Variants in ZNF354B observed in about 807,000 individuals in gnomAD.
The protein encoded by ZNF354B is zinc finger protein 354B.
In ZNF354B, 10 loss-of-function variants were observed where a neutral mutation model predicts 12.9. The observed-to-expected ratio is 0.77, with a 90% CI of 0.48 to 1.31. The LOEUF is 1.31. Among genes scored for constraint, ZNF354B ranks in the 40% most tolerant of loss-of-function variants. ZNF354B has a pLI of 0.00. For synonymous variants in ZNF354B, 260 were observed against 243.7 expected, an observed-to-expected ratio of 1.07 and a Z score of -0.62; for missense variants, 614 against 711.7, an observed-to-expected ratio of 0.86 and a Z score of 1.56.
At chr5:178,879,882 C>T (rs759650533) in intron 4 of ZNF354B, among the ~76,000 whole-genome samples, 1 of 151,850 alleles carries the variant, frequency 6.6e-6, no homozygotes, top group Non-Finnish European at 1.5e-5. Context: ...AATCCCAGCA[C>T]TTTGAGAGGC....
At chr5:178,871,285 A>T (rs537461397) in intron 4 of ZNF354B, among the ~76,000 whole-genome samples, 1 of 152,142 alleles carries the variant, frequency 6.6e-6, no homozygotes, top group East Asian at 1.9e-4. Context: ...GCTGTTTGTC[A>T]GGGGGGCCAA....
chr5:178,860,602 G>A, intron 1 of ZNF354B: 1 of 180,160 alleles, frequency 5.6e-6, no homozygotes, highest in Non-Finnish European at 1.2e-5. Context: ...AAGTCGTCCC[G>A]GGGCCGTCGT....
intron 4 of ZNF354B, among the ~76,000 whole-genome samples, chr5:178,874,232 C>T (rs1379727641): frequency 6.6e-6 from 1 of 152,176 alleles, no homozygotes; most frequent in African/African-American, 2.4e-5. Context: ...GCTGGGATTA[C>T]AGGCATGAGC....
At chr5:178,866,822 A>G (rs1252431220) in intron 3 of ZNF354B, among the ~76,000 whole-genome samples, 154 bp from the exon 4 acceptor site, 1 of 152,212 alleles carries the variant, frequency 6.6e-6, no homozygotes, top group South Asian at 2.1e-4. Flanking sequence ...TACTTGATAG[A>G]TCATTCTATA....
chr5:178,860,207 C>T (rs1187609975), intron 1 of ZNF354B, 80 bp downstream of exon 1: 2 of 142,430 alleles, frequency 1.4e-5, no homozygotes, highest in African/African-American at 5.1e-5. Context: ...CTCCGAGGGC[C>T]TCTGTGGGCG....
chr5:178,875,509 A>T (rs749603435), intron 4 of ZNF354B, among the ~76,000 whole-genome samples: 1 of 152,048 alleles, frequency 6.6e-6, no homozygotes, highest in Non-Finnish European at 1.5e-5. Context: ...GGTACAGCTG[A>T]AGTACTCAGG....
At chr5:178,880,405 G>A (rs1430061570) in intron 4 of ZNF354B, among the ~76,000 whole-genome samples, 1 of 151,160 alleles carries the variant, frequency 6.6e-6, no homozygotes, top group Admixed American at 6.6e-5. Context: ...TCACTGTGTT[G>A]GCCAGGATGG....
At chr5:178,882,621 A>G in intron 4 of ZNF354B, 88 bp from the exon 5 acceptor site, 1 of 1,352,762 alleles carries the variant, frequency 7.4e-7, no homozygotes, top group Non-Finnish European at 9.9e-7. Flanking sequence ...GCAAACCCTT[A>G]CTGAGATACA....
At chr5:178,870,388 T>C (rs1190265120) in intron 4 of ZNF354B, among the ~76,000 whole-genome samples, 1 of 152,182 alleles carries the variant, frequency 6.6e-6, no homozygotes, top group Non-Finnish European at 1.5e-5. Context: ...GCGATTCTTG[T>C]GCTTCAGCCT....
intron 4 of ZNF354B, among the ~76,000 whole-genome samples, chr5:178,875,401 A>C (rs111498566): frequency 0.039 from 5,930 of 152,196 alleles, 406 homozygotes; most frequent in African/African-American, 0.14. Flanking sequence ...ATGGGGAAGG[A>C]GGCCCTGCCT....
chr5:178,877,714 G>T (rs1188175414), intron 4 of ZNF354B, among the ~76,000 whole-genome samples: 1 of 152,174 alleles, frequency 6.6e-6, no homozygotes, highest in African/African-American at 2.4e-5. Context: ...GCCACGCTAG[G>T]GATGCTAGTA....
At chr5:178,870,774 G>T (rs1340558293) in intron 4 of ZNF354B, among the ~76,000 whole-genome samples, 1 of 152,154 alleles carries the variant, frequency 6.6e-6, no homozygotes, top group African/African-American at 2.4e-5. Context: ...TTTAAAAAGT[G>T]ACTGCTTACA....
At chr5:178,869,963 G>T (rs1370854122) in intron 4 of ZNF354B, among the ~76,000 whole-genome samples, 1 of 152,082 alleles carries the variant, frequency 6.6e-6, no homozygotes, top group Admixed American at 6.6e-5. Context: ...CGTGGTTGAA[G>T]GACTGGGATG....
In ZNF354B at chr5:178,884,991, C is replaced by T. The variant is rs1222055369; in HGVS notation, c.*700C>T. 3 of 152,142 alleles carry T rather than the reference C, an allele frequency of 2.0e-5. No homozygotes were observed. The highest frequency in any genetic ancestry group is 2.9e-5 in the Non-Finnish European group (2 of 68,012). The allele number at this position is 152,142 out of a possible 1,614,324, so 9.4% of individuals were successfully genotyped here. A position where few individuals can be genotyped will look rare whatever the true frequency, so the allele number is the denominator to read the frequency against. ...CTTTTCCTGACTTACTGTCAAACTT[C>T]GTGCATGGCTTTTATTAAAAAAGAA... On this transcript the variant is annotated 3_prime_UTR_variant, in exon 5 of 5. Coordinates refer to ENST00000322434, the MANE Select transcript of ZNF354B (RefSeq NM_058230.3).
At chr5:178,862,129 TGGGCTGA>T (rs1045671918) in intron 2 of ZNF354B, among the ~76,000 whole-genome samples, 1 of 152,158 alleles carries the variant, frequency 6.6e-6, no homozygotes, top group African/African-American at 2.4e-5. Context: ...TACCAGGGAA[TGGGCTGA>T]GGGCTTTACA....
At chr5:178,877,444 C>T (rs144108410) in intron 4 of ZNF354B, among the ~76,000 whole-genome samples, 5 of 152,304 alleles carry the variant, frequency 3.3e-5, no homozygotes, top group African/African-American at 1.2e-4. Flanking sequence ...GCTGGGATTA[C>T]AGGTGTGAGC....
rs777368741 is a variant in ZNF354B at position 178,883,603 on chromosome 5, G to A, written c.1151G>A (p.Cys384Tyr). ...RIHTGEKPFK[C>Y]SECGRAFSQS... is the part of the protein sequence containing the mutation. ...CACACTGGAGAGAAGCCTTTTAAAT[G>A]TAGTGAATGTGGGAGAGCCTTCAGC... Residue 384 changes from cysteine (C) to tyrosine (Y), a missense_variant, in exon 5 of 5, where the codon TGT becomes TAT. Physicochemically the swap from Cys to Tyr is radical, Grantham distance 194. Coordinates refer to ENST00000322434, the MANE Select transcript of ZNF354B (RefSeq NM_058230.3). 5.6e-6 allele frequency: 9 copies of A among 1,613,600 alleles called. No individual in the cohort carries two copies. Among genetic ancestry groups the A allele is most frequent in the Non-Finnish European group, 7.6e-6 (9 of 1,179,616 alleles).
chr5:178,880,188 C>CT (rs1325107251), intron 4 of ZNF354B, among the ~76,000 whole-genome samples: 2 of 151,726 alleles, frequency 1.3e-5, no homozygotes, highest in Non-Finnish European at 2.9e-5. Context: ...CATCCAATTT[C>CT]TTTTTTTCCT....
In ZNF354B at chr5:178,884,804, C is replaced by T. The variant is rs1330790395; in HGVS notation, c.*513C>T. ...CATTGCACTCCAGATGTGCTGACCC[C>T]TTCAATTTCCCAAAATGTGGAAAAC... is the stretch of plus-strand genomic sequence containing the variant. On this transcript the variant is annotated 3_prime_UTR_variant, in exon 5 of 5. Transcript: ENST00000322434. 6.6e-6 allele frequency: 1 copy of T among 152,272 alleles called. No individual in the cohort carries two copies. Among genetic ancestry groups the T allele is most frequent in the Non-Finnish European group, 1.5e-5 (1 of 68,130 alleles). The allele number at this position is 152,272 out of a possible 1,614,324, so 9.4% of individuals were successfully genotyped here. A position where few individuals can be genotyped will look rare whatever the true frequency, so the allele number is the denominator to read the frequency against.
Sources: allele counts gnomAD v4.1 joint callset (sites outside exome capture counted in the v4.1 genomes callset), GRCh38; gene constraint gnomAD v4.1.1; transcripts MANE v1.5; gene names NCBI Gene and HGNC (gene_info 2026-07-23, HGNC 2026-07-21).